UBE3A: variants seen among roughly 807,000 people sequenced by gnomAD.
The protein encoded by UBE3A is ubiquitin-protein ligase E3A.
UBE3A carries 6 observed loss-of-function variants against 83.4 expected under a neutral mutation model. The observed-to-expected ratio is 0.07, with a 90% confidence interval of 0.04 to 0.14. The LOEUF is 0.14. Among genes scored for constraint, UBE3A ranks in the 10% least tolerant of loss-of-function variants. UBE3A has a pLI of 1.00. For synonymous variants in UBE3A, 337 were observed against 355.4 expected (o/e 0.95, Z 0.58); for missense variants, 456 against 1,036.1 (o/e 0.44, Z 7.69).
chr15:25,342,433 A>C (rs80072134), intron 11 of UBE3A, among the ~76,000 whole-genome samples: 1 of 151,660 alleles, frequency 6.6e-6, no homozygotes, highest in African/African-American at 2.4e-5. Flanking sequence ...AAAATTTTAT[A>C]CAATGAAAAC....
At position 25,337,787 on chromosome 15, in the gene UBE3A, T is replaced by C. The variant is rs968593125; in HGVS notation, c.*1350A>G. On this transcript the variant is annotated 3_prime_UTR_variant, in exon 13 of 13. Coordinates refer to ENST00000648336, the MANE Select transcript of UBE3A (RefSeq NM_130839.5). ...TCTCACCTTAGTTAAAAATACATAA[T>C]CCTTTTATTTTATAATGCAATAAAA... is the stretch of plus-strand genomic sequence containing the variant. The C allele has an allele frequency of 6.6e-6, 1 of 152,030 alleles. No homozygotes were observed. The highest frequency in any genetic ancestry group is 1.5e-5 in the Non-Finnish European group (1 of 67,986). 9.4% of individuals were successfully genotyped at this position (152,030 alleles called of 1,614,324 possible). A position where few individuals can be genotyped will look rare whatever the true frequency, so the allele number is the denominator to read the frequency against.
At position 25,336,473 on chromosome 15, in the gene UBE3A, C is replaced by CAA. The variant is rs756191173; in HGVS notation, c.*2663_*2664insTT. On this transcript the variant is annotated 3_prime_UTR_variant, in exon 13 of 13. Coordinates refer to ENST00000648336, the MANE Select transcript of UBE3A (RefSeq NM_130839.5). ...TGCTGCCCCATTACAACCATCTGTT[C>CAA]TAACAGAATGTCTGTACCGAGGAGG... 1.8e-4 allele frequency: 27 copies of CAA among 152,292 alleles called. No individual in the cohort carries two copies. The Middle Eastern group carries it at 0.014, about 77-fold the overall frequency. 9.4% of individuals were successfully genotyped at this position (152,292 alleles called of 1,614,324 possible).
intron 1 of UBE3A, among the ~76,000 whole-genome samples, chr15:25,416,537 G>A (rs1681172354): frequency 1.3e-5 from 2 of 152,042 alleles, no homozygotes; most frequent in South Asian, 4.2e-4. Flanking sequence ...AAGGGGCTAC[G>A]CAGGAGCTGC....
intron 6 of UBE3A, among the ~76,000 whole-genome samples, chr15:25,364,424 T>C (rs971656249): frequency 6.6e-6 from 1 of 152,132 alleles, no homozygotes; most frequent in Non-Finnish European, 1.5e-5. Flanking sequence ...ACTGTAAAGG[T>C]GTATTCTTTA....
At chr15:25,398,764 C>A (rs1445916292) in intron 4 of UBE3A, among the ~76,000 whole-genome samples, 1 of 72,700 alleles carries the variant, frequency 1.4e-5, no homozygotes, top group East Asian at 2.6e-4. Flanking sequence ...TGATTTTATT[C>A]TTTTATTTAT....
intron 5 of UBE3A, chr15:25,373,935 T>A (rs2080748290): frequency 6.6e-6 from 1 of 152,218 alleles, no homozygotes; most frequent in South Asian, 2.1e-4. Context: ...GATAAATGTG[T>A]CCCTGAAAAT....
chr15:25,341,226 C>T lies in UBE3A; in HGVS notation c.2355-998G>A, dbSNP rs563499060. Among the ~76,000 whole-genome samples the T allele has an allele frequency of 7.6e-4, 80 of 104,900 alleles. 1 individual carries two copies. Among genetic ancestry groups the T allele is most frequent in the African/African-American group, 2.8e-3 (76 of 26,876 alleles). The allele number at this position is 104,900 out of a possible 152,430, so 68.8% of individuals were successfully genotyped here. A position where few individuals can be genotyped will look rare whatever the true frequency, so the allele number is the denominator to read the frequency against. The stretch of plus-strand genomic sequence containing the variant: ...CTGGGACTATAGGTGCCTGCCACCA[C>T]GCCTGGCTAATTTTCTGTACGTTTA... On this transcript the variant is annotated intron_variant, in intron 11 of 12. Coordinates refer to ENST00000648336, the MANE Select transcript of UBE3A (RefSeq NM_130839.5).
intron 4 of UBE3A, among the ~76,000 whole-genome samples, chr15:25,395,737 A>G (rs746852656): frequency 3.9e-5 from 6 of 152,244 alleles, no homozygotes; most frequent in Non-Finnish European, 8.8e-5. Flanking sequence ...AGAGTTGTCA[A>G]TAGACAGAGT....
intron 7 of UBE3A, among the ~76,000 whole-genome samples, chr15:25,359,037 A>G (rs139487198): frequency 6.6e-6 from 1 of 152,196 alleles, no homozygotes; most frequent in East Asian, 1.9e-4. Flanking sequence ...TCAGAATATA[A>G]CTCTGAAGTT....
chr15:25,386,245 T>C (rs2083108166), intron 4 of UBE3A, among the ~76,000 whole-genome samples: 1 of 152,188 alleles, frequency 6.6e-6, no homozygotes, highest in Non-Finnish European at 1.5e-5. Context: ...CTCCTCTCCC[T>C]ACACCTTACA....
chr15:25,361,436 T>C (rs2078088484), intron 6 of UBE3A, among the ~76,000 whole-genome samples: 1 of 152,154 alleles, frequency 6.6e-6, no homozygotes. Flanking sequence ...TATTCTTAAA[T>C]TGTAAGTTAA....
At position 25,336,951 on chromosome 15, in the gene UBE3A, G is replaced by A. The variant is rs960354112; in HGVS notation, c.*2186C>T. On this transcript the variant is annotated 3_prime_UTR_variant, in exon 13 of 13. Transcript: ENST00000648336. Reference sequence around the variant, plus strand: ...ATGTTTTGCTCTTCCTTATTGTTCAGGGACATTCCATTAAATAGTAATGAA... The same window carrying A: ...ATGTTTTGCTCTTCCTTATTGTTCAAGGACATTCCATTAAATAGTAATGAA... 6.6e-6 allele frequency: 1 copy of A among 152,060 alleles called. No individual in the cohort carries two copies. The highest frequency in any genetic ancestry group is 1.5e-5 in the Non-Finnish European group (1 of 68,006). 9.4% of individuals were successfully genotyped at this position (152,060 alleles called of 1,614,324 possible).
chr15:25,424,130 A>T (rs953080631), intron 1 of UBE3A, among the ~76,000 whole-genome samples: 1 of 152,196 alleles, frequency 6.6e-6, no homozygotes, highest in African/African-American at 2.4e-5. Context: ...ACTTATAGGT[A>T]AAAATCAAAC....
chr15:25,378,766 C>A (rs2081654718), intron 4 of UBE3A, among the ~76,000 whole-genome samples: 1 of 152,042 alleles, frequency 6.6e-6, no homozygotes, highest in Admixed American at 6.6e-5. Context: ...GGAAAAAAAT[C>A]TCATAACTAA....
At chr15:25,360,603 T>TAGG in intron 6 of UBE3A, 76 bp from the exon 7 acceptor site, 1 of 1,518,354 alleles carries the variant, frequency 6.6e-7, no homozygotes. Context: ...AAACAAGGAG[T>TAGG]AGGATTAGGA....
At chr15:25,360,714 AAGAC>A (rs1462565846) in intron 6 of UBE3A, among the ~76,000 whole-genome samples, 187 bp from the exon 7 acceptor site, 2 of 152,236 alleles carry the variant, frequency 1.3e-5, no homozygotes, top group Admixed American at 6.5e-5. Flanking sequence ...GATAATCAAA[AAGAC>A]AGACACAAAA....
intron 4 of UBE3A, among the ~76,000 whole-genome samples, chr15:25,395,620 T>C (rs749654274): frequency 6.6e-6 from 1 of 152,106 alleles, no homozygotes; most frequent in Non-Finnish European, 1.5e-5. Context: ...TTTGGGATGA[T>C]GAAAATCAGG....
chr15:25,377,635 A>G (rs546192664), intron 4 of UBE3A, among the ~76,000 whole-genome samples: 5 of 152,314 alleles, frequency 3.3e-5, no homozygotes, highest in African/African-American at 9.6e-5. Context: ...GTAAGTAGGT[A>G]TTTCCTTTCT....
intron 4 of UBE3A, among the ~76,000 whole-genome samples, chr15:25,376,880 T>C (rs1322609986): frequency 6.7e-6 from 1 of 150,194 alleles, no homozygotes; most frequent in African/African-American, 2.5e-5. Context: ...GGAGGAATTA[T>C]GTGACCATGT....
Sources: allele counts gnomAD v4.1 joint callset (sites outside exome capture counted in the v4.1 genomes callset), GRCh38; gene constraint gnomAD v4.1.1; transcripts MANE v1.5; gene names NCBI Gene and HGNC (gene_info 2026-07-23, HGNC 2026-07-21).